P3H2: variants seen among roughly 807,000 people sequenced by gnomAD.
P3H2 encodes prolyl 3-hydroxylase 2.
Under a neutral mutation model 87.0 loss-of-function variants are expected in P3H2, and 80 were observed. The observed-to-expected ratio is 0.92, with a 90% CI of 0.77 to 1.11. P3H2 has a LOEUF of 1.11. P3H2 is among the 50% of genes least tolerant of loss of function. P3H2 has a pLI of 0.00. For missense variants in P3H2, 1,001 were observed against 923.9 expected (o/e 1.08, Z -1.08); for synonymous variants, 367 against 359.3 (o/e 1.02, Z -0.24).
rs1723747036 is a variant in P3H2 at position 189,987,617 on chromosome 3, A to G, written c.1008T>C (p.His336=). The G allele has an allele frequency of 6.2e-7, 1 of 1,614,158 alleles. No individual in the cohort carries two copies. The highest frequency in any genetic ancestry group is 8.5e-7 in the Non-Finnish European group (1 of 1,180,038). Residue 336 remains histidine, a synonymous_variant, in exon 5 of 15, where the codon CAT becomes CAC. Transcript: ENST00000319332. The part of the protein sequence containing the change: ...LECAKAYLLC[H]PDDEDVLDNV... ...TGTCTAGGACATCCTCATCATCTGG[A>G]TGGCATAGAAGATAGGCTTTGGCAC...
At chr3:190,092,519 C>T (rs552689069) in intron 1 of P3H2, among the ~76,000 whole-genome samples, 4 of 152,276 alleles carry the variant, frequency 2.6e-5, no homozygotes, top group Admixed American at 6.5e-5. Flanking sequence ...ACATGGCTAT[C>T]TTTAAAAATA....
chr3:190,021,568 T>G lies in P3H2; in HGVS notation c.481-26126A>C, dbSNP rs1338794985. On this transcript the variant is annotated intron_variant, in intron 1 of 14. Coordinates refer to ENST00000319332, the MANE Select transcript of P3H2 (RefSeq NM_018192.4). ...TATTTCATCCCTAAATTATGTAAAC[T>G]TTTCTCTTTCAGTTTTAAAAAATAA... is the stretch of plus-strand genomic sequence containing the variant. 3.7e-5 allele frequency among the ~76,000 whole-genome samples: 5 copies of G among 134,886 alleles called. 1 individual carries two copies. Among genetic ancestry groups the G allele is most frequent in the African/African-American group, 1.3e-4 (5 of 39,034 alleles). The allele number at this position is 134,886 out of a possible 152,430, so 88.5% of individuals were successfully genotyped here. A position where few individuals can be genotyped will look rare whatever the true frequency, so the allele number is the denominator to read the frequency against.
rs1408758661 is a variant in P3H2, at chr3:189,957,452, TGTGTG to T, written c.*455_*459del. The T allele has an allele frequency of 1.8e-4, 28 of 155,886 alleles. No individual in the cohort carries two copies. Among genetic ancestry groups the T allele is most frequent in the Non-Finnish European group, 1.6e-4 (13 of 78,984 alleles). The allele number at this position is 155,886 out of a possible 1,614,324, so 9.7% of individuals were successfully genotyped here. A position where few individuals can be genotyped will look rare whatever the true frequency, so the allele number is the denominator to read the frequency against. On this transcript the variant is annotated 3_prime_UTR_variant, in exon 15 of 15. Coordinates refer to ENST00000319332, the MANE Select transcript of P3H2 (RefSeq NM_018192.4). ...TTGCAGCAACTTAATTGTGTGTGTG[TGTGTG>T]TGTGTGTGTGTGTGTGTGTGTGTTT... is the stretch of plus-strand genomic sequence containing the variant.
At chr3:189,962,161 CTTTTTTTTTTTTT>C (rs770628547) in intron 14 of P3H2, among the ~76,000 whole-genome samples, 1 of 87,614 alleles carries the variant, frequency 1.1e-5, no homozygotes, top group Non-Finnish European at 2.1e-5. Context: ...TCTTCTTCTT[CTTTTTTTTTTTTT>C]TTTTTTTTTT....
intron 1 of P3H2, among the ~76,000 whole-genome samples, chr3:190,058,887 G>A (rs1216946607): frequency 6.6e-6 from 1 of 152,180 alleles, no homozygotes; most frequent in East Asian, 1.9e-4. Flanking sequence ...GATTTTTGCT[G>A]AGGAGACTTT....
At position 189,973,889 on chromosome 3, in the gene P3H2, A is replaced by G. The variant is rs1723262087; in HGVS notation, c.1548+20T>C. The G allele has an allele frequency of 1.9e-6, 3 of 1,589,476 alleles. No individual in the cohort carries two copies. Among genetic ancestry groups the G allele is most frequent in the African/African-American group, 1.3e-5 (1 of 74,438 alleles). On this transcript the variant is annotated intron_variant, in intron 10 of 14. Coordinates refer to ENST00000319332, the MANE Select transcript of P3H2 (RefSeq NM_018192.4). ...GGCTGACACTAAGGAACTCAAACCCAAAAGAAGTTAAGACTTTACTTTGAG... is the reference window on the plus strand; with the variant it reads ...GGCTGACACTAAGGAACTCAAACCCGAAAGAAGTTAAGACTTTACTTTGAG...
intron 1 of P3H2, among the ~76,000 whole-genome samples, chr3:190,030,868 A>G (rs1725231093): frequency 6.6e-6 from 1 of 152,224 alleles, no homozygotes; most frequent in Admixed American, 6.5e-5. Flanking sequence ...CATAAAATCA[A>G]TAAATGATGT....
intron 1 of P3H2, among the ~76,000 whole-genome samples, chr3:190,033,462 C>G (rs1251607558): frequency 1.3e-5 from 2 of 152,094 alleles, no homozygotes; most frequent in African/African-American, 4.8e-5. Context: ...TCTCATACTC[C>G]TTGAGAGAAA....
In P3H2 at chr3:189,957,342, A is replaced by G; in HGVS notation, c.*570T>C. 1 of 401,594 alleles carries G rather than the reference A, an allele frequency of 2.5e-6. No individual in the cohort carries two copies. Among genetic ancestry groups the G allele is most frequent in the Non-Finnish European group, 4.4e-6 (1 of 228,708 alleles). 24.9% of individuals were successfully genotyped at this position (401,594 alleles called of 1,614,324 possible). A position where few individuals can be genotyped will look rare whatever the true frequency, so the allele number is the denominator to read the frequency against. ...AGAGCAAGAAAGGGCTTCAGAGACC[A>G]GGCACAGGTTAATTTTAGAACTGGA... On this transcript the variant is annotated 3_prime_UTR_variant, in exon 15 of 15. Transcript: ENST00000319332.
chr3:190,096,991 C>G (rs1210667987), intron 1 of P3H2, among the ~76,000 whole-genome samples: 1 of 152,152 alleles, frequency 6.6e-6, no homozygotes. Context: ...GACATTTTGG[C>G]AAGAGCACTG....
chr3:189,965,667 G>A (rs1387066233), intron 13 of P3H2, among the ~76,000 whole-genome samples: 1 of 152,152 alleles, frequency 6.6e-6, no homozygotes, highest in Non-Finnish European at 1.5e-5. Context: ...ATAAGTGAAA[G>A]GTAAAACCTG....
At position 190,120,235 on chromosome 3, in the gene P3H2, G is replaced by C; in HGVS notation, c.480+17C>G. The C allele has an allele frequency of 6.2e-7, 1 of 1,607,072 alleles. No individual in the cohort carries two copies. Among genetic ancestry groups the C allele is most frequent in the Non-Finnish European group, 8.5e-7 (1 of 1,177,790 alleles). On this transcript the variant is annotated intron_variant, in intron 1 of 14. Transcript: ENST00000319332. ...GAGCCGCAGGGGCTTTGCAGTGGAG[G>C]AGCGCTCTGTGGGTACCTTGATGTA...
At chr3:190,093,808 T>C (rs1463140412) in intron 1 of P3H2, among the ~76,000 whole-genome samples, 2 of 152,262 alleles carry the variant, frequency 1.3e-5, no homozygotes, top group East Asian at 3.8e-4. Context: ...GTGGCTTTTT[T>C]GGTAAGTTTT....
intron 13 of P3H2, among the ~76,000 whole-genome samples, chr3:189,967,032 G>A (rs1213133357): frequency 6.6e-6 from 1 of 152,122 alleles, no homozygotes; most frequent in East Asian, 1.9e-4. Context: ...TCCCTCCACA[G>A]TCAAAGGGAA....
At chr3:190,039,970 CTAAGAA>C (rs1200443450) in intron 1 of P3H2, among the ~76,000 whole-genome samples, 3 of 152,138 alleles carry the variant, frequency 2.0e-5, no homozygotes, top group African/African-American at 7.2e-5. Context: ...ACTTTACACT[CTAAGAA>C]TAAGGAACAG....
At chr3:189,960,777 T>A (rs1722787629) in intron 14 of P3H2, among the ~76,000 whole-genome samples, 1 of 152,214 alleles carries the variant, frequency 6.6e-6, no homozygotes, top group South Asian at 2.1e-4. Flanking sequence ...TAAATAACTA[T>A]TTTATGAATT....
chr3:190,052,919 C>T (rs1262012226), intron 1 of P3H2, among the ~76,000 whole-genome samples: 2 of 152,130 alleles, frequency 1.3e-5, no homozygotes, highest in Non-Finnish European at 2.9e-5. Flanking sequence ...TTCCTTAGTC[C>T]ATACTGAGGC....
At chr3:189,982,730 T>C (rs1052693268) in intron 8 of P3H2, among the ~76,000 whole-genome samples, 2 of 152,208 alleles carry the variant, frequency 1.3e-5, no homozygotes. Flanking sequence ...GTAACAGAAG[T>C]AAACCATAGG....
intron 1 of P3H2, among the ~76,000 whole-genome samples, chr3:190,075,884 T>C (rs1449381581): frequency 6.6e-6 from 1 of 152,210 alleles, no homozygotes; most frequent in African/African-American, 2.4e-5. Context: ...AATAATGTGA[T>C]TGAATTTTTA....
Sources: allele counts gnomAD v4.1 joint callset (sites outside exome capture counted in the v4.1 genomes callset), GRCh38; gene constraint gnomAD v4.1.1; transcripts MANE v1.5; gene names NCBI Gene and HGNC (gene_info 2026-07-23, HGNC 2026-07-21).